The following TADA2A variants were observed in gnomAD, a reference collection of about 807,000 sequenced individuals.
TADA2A encodes the protein transcriptional adapter 2-alpha.
Under a neutral mutation model 67.4 loss-of-function variants are expected in TADA2A, and 38 were observed. That is an observed-to-expected ratio of 0.56 (90% CI 0.44 to 0.74). TADA2A has a LOEUF of 0.74. TADA2A is among the 30% of genes least tolerant of loss of function. The pLI, the probability that TADA2A is intolerant of heterozygous loss-of-function variation, is 0.00. For missense variants in TADA2A, 454 were observed against 547.0 expected, an observed-to-expected ratio of 0.83 and a Z score of 1.70; for synonymous variants, 192 against 181.6, an observed-to-expected ratio of 1.06 and a Z score of -0.46.
Position 37,441,096 on chromosome 17 carries a change from T to TA in TADA2A, c.442+451dup, listed in dbSNP as rs34338887. Among the ~76,000 whole-genome samples, 665 of 132,044 alleles carry TA rather than the reference T, an allele frequency of 5.0e-3. 4 individuals carry two copies. Among genetic ancestry groups the TA allele is most frequent in the African/African-American group, 0.012 (432 of 35,044 alleles). 86.6% of individuals were successfully genotyped at this position (132,044 alleles called of 152,430 possible). A position where few individuals can be genotyped will look rare whatever the true frequency, so the allele number is the denominator to read the frequency against. ...GGTGACAGAGTGAGACTTCATCTCT[T>TA]AAAAAAAAAAAAAAAAAGAGTCAGG... On this transcript the variant is annotated intron_variant, in intron 6 of 15. Transcript: ENST00000615182.
chr17:37,444,205 G>A (rs1378422275), intron 7 of TADA2A, among the ~76,000 whole-genome samples: 1 of 147,584 alleles, frequency 6.8e-6, no homozygotes. Flanking sequence ...GCTGCAGTGA[G>A]CCAAGATCAC....
At chr17:37,423,747 T>A in intron 3 of TADA2A, 132 bp downstream of exon 3, 1 of 658,348 alleles carries the variant, frequency 1.5e-6, no homozygotes, top group Non-Finnish European at 2.3e-6. Flanking sequence ...TTTTTCTTTT[T>A]CTTTCTTTTT....
chr17:37,443,766 A>T (rs116465057), intron 7 of TADA2A, among the ~76,000 whole-genome samples: 2,719 of 152,320 alleles, frequency 0.018, 78 homozygotes, highest in African/African-American at 0.062. Context: ...GTAAAACTTT[A>T]TGTACAAAAA....
chr17:37,471,947 A>G (rs2053796297), intron 14 of TADA2A, among the ~76,000 whole-genome samples: 1 of 152,218 alleles, frequency 6.6e-6, no homozygotes, highest in African/African-American at 2.4e-5. Context: ...ATTAGTATAC[A>G]GAGCAAGATT....
chr17:37,462,245 A>G, intron 10 of TADA2A, 124 bp downstream of exon 10: 2 of 625,502 alleles, frequency 3.2e-6, no homozygotes, highest in East Asian at 6.3e-5. Context: ...ACTCCAGACT[A>G]ATGAAGTAAG....
In TADA2A at chr17:37,479,525, A is replaced by G. The variant is rs2053948749; in HGVS notation, c.*2543A>G. Reference sequence around the variant, plus strand: ...GCATCCTTCCTCTTTGCTTCTAGACAGGGTTGGCCATAAACCAACTACACT... The same window carrying G: ...GCATCCTTCCTCTTTGCTTCTAGACGGGGTTGGCCATAAACCAACTACACT... On this transcript the variant is annotated 3_prime_UTR_variant, in exon 16 of 16. Transcript: ENST00000615182. 1 of 152,218 alleles carries G rather than the reference A, an allele frequency of 6.6e-6. No homozygotes were observed. Among genetic ancestry groups the G allele is most frequent in the East Asian group, 1.9e-4 (1 of 5,198 alleles). The allele number at this position is 152,218 out of a possible 1,614,324, so 9.4% of individuals were successfully genotyped here. A position where few individuals can be genotyped will look rare whatever the true frequency, so the allele number is the denominator to read the frequency against.
intron 2 of TADA2A, among the ~76,000 whole-genome samples, chr17:37,416,479 C>A (rs980888202): frequency 6.6e-6 from 1 of 151,882 alleles, no homozygotes; most frequent in Non-Finnish European, 1.5e-5. Flanking sequence ...TTTTTACTTT[C>A]CTTATGGTGT....
chr17:37,427,932 A>G (rs2052455765), intron 4 of TADA2A, among the ~76,000 whole-genome samples: 1 of 152,086 alleles, frequency 6.6e-6, no homozygotes, highest in East Asian at 1.9e-4. Flanking sequence ...CAGTGAGCCA[A>G]GATCGCACCA....
At chr17:37,448,838 T>C (rs1334716506) in intron 8 of TADA2A, among the ~76,000 whole-genome samples, 1 of 152,152 alleles carries the variant, frequency 6.6e-6, no homozygotes, top group Non-Finnish European at 1.5e-5. Flanking sequence ...TTTTAGAAAG[T>C]TTTCTCTCCT....
At chr17:37,418,136 T>A (rs992873525) in intron 2 of TADA2A, among the ~76,000 whole-genome samples, 7 of 152,210 alleles carry the variant, frequency 4.6e-5, no homozygotes, top group Non-Finnish European at 1.0e-4. Flanking sequence ...TCCTCTAGAC[T>A]TATATACAAT....
intron 1 of TADA2A, among the ~76,000 whole-genome samples, chr17:37,410,516 T>A (rs536702204): frequency 7.2e-5 from 11 of 152,042 alleles, no homozygotes; most frequent in Non-Finnish European, 1.6e-4. Flanking sequence ...CAAATGTATG[T>A]TGTAATAGAT....
chr17:37,444,400 G>GC (rs1292869252), intron 7 of TADA2A, among the ~76,000 whole-genome samples: 1 of 142,090 alleles, frequency 7.0e-6, no homozygotes, highest in Non-Finnish European at 1.6e-5. Context: ...GATTATAGGT[G>GC]CATGCTACTG....
intron 12 of TADA2A, 65 bp downstream of exon 12, chr17:37,467,590 C>A: frequency 7.4e-7 from 1 of 1,356,654 alleles, no homozygotes. Context: ...CAGAGGAAGT[C>A]TCTGAATTGT....
chr17:37,470,257 T>C (rs1348970014), intron 12 of TADA2A, 143 bp from the exon 13 acceptor site: 2 of 865,768 alleles, frequency 2.3e-6, no homozygotes, highest in East Asian at 5.5e-5. Flanking sequence ...TCTACTTGGG[T>C]CTTGGAGAAA....
intron 1 of TADA2A, chr17:37,408,468 C>G (rs1207302103): frequency 1.3e-5 from 2 of 152,238 alleles, no homozygotes; most frequent in Non-Finnish European, 2.9e-5. Context: ...TCAGGCTGAT[C>G]TCGAACTGCC....
intron 13 of TADA2A, 69 bp downstream of exon 13, chr17:37,470,601 G>A: frequency 6.9e-7 from 1 of 1,445,938 alleles, no homozygotes; most frequent in Admixed American, 2.6e-5. Flanking sequence ...TATATTTTTG[G>A]GCACCCTAGA....
intron 4 of TADA2A, among the ~76,000 whole-genome samples, chr17:37,434,132 A>G (rs527972307): frequency 6.6e-6 from 1 of 152,212 alleles, no homozygotes; most frequent in South Asian, 2.1e-4. Context: ...AGTTTCTTAG[A>G]TTTTCCTTGT....
intron 8 of TADA2A, among the ~76,000 whole-genome samples, chr17:37,448,009 C>T (rs1597904543): frequency 6.6e-6 from 1 of 152,170 alleles, no homozygotes; most frequent in South Asian, 2.1e-4. Context: ...AGAGGTGACA[C>T]TGATTAGTCA....
intron 12 of TADA2A, among the ~76,000 whole-genome samples, chr17:37,469,006 G>A (rs1597944743): frequency 6.6e-6 from 1 of 151,696 alleles, no homozygotes; most frequent in South Asian, 2.1e-4. Context: ...GTTCAAGCGA[G>A]TCTCCTGCCT....
Sources: gnomAD v4.1 joint callset for allele counts (sites outside exome capture counted in the v4.1 genomes callset) on GRCh38, gnomAD v4.1.1 for gene constraint, MANE v1.5 for transcripts, NCBI Gene and HGNC (gene_info 2026-07-23, HGNC 2026-07-21) for gene names.